The following DOCK1 variants were observed in gnomAD, a reference collection of about 807,000 sequenced individuals.
The protein encoded by DOCK1 is dedicator of cytokinesis 1.
A neutral mutation model predicts 262.7 loss-of-function variants in DOCK1; 138 were observed. That is an observed-to-expected ratio of 0.53 (90% CI 0.46 to 0.61). DOCK1 has a LOEUF of 0.61. DOCK1 is among the 20% of genes least tolerant of loss of function. DOCK1 has a pLI of 0.00. For synonymous variants in DOCK1, 866 were observed against 867.4 expected (o/e 1.00, Z 0.03); for missense variants, 1,908 against 2,370.7 (o/e 0.80, Z 4.05).
At chr10:127,156,160 TC>T (rs1347762578) in intron 27 of DOCK1, among the ~76,000 whole-genome samples, 1 of 152,184 alleles carries the variant, frequency 6.6e-6, no homozygotes, top group Non-Finnish European at 1.5e-5. Flanking sequence ...CTATCAAGCC[TC>T]ATCAACATCA....
At chr10:127,211,436 C>T (rs575749001) in intron 27 of DOCK1, among the ~76,000 whole-genome samples, 4 of 152,252 alleles carry the variant, frequency 2.6e-5, no homozygotes, top group African/African-American at 4.8e-5. Context: ...TTTGTGTCTC[C>T]GATTTGGTGT....
At chr10:127,274,033 G>A (rs1162127058) in intron 29 of DOCK1, among the ~76,000 whole-genome samples, 1 of 152,150 alleles carries the variant, frequency 6.6e-6, no homozygotes, top group Non-Finnish European at 1.5e-5. Flanking sequence ...TACGCTTGGG[G>A]GTAAACATGA....
chr10:127,415,588 A>G (rs2068105707), intron 44 of DOCK1, among the ~76,000 whole-genome samples: 1 of 152,186 alleles, frequency 6.6e-6, no homozygotes, highest in Non-Finnish European at 1.5e-5. Flanking sequence ...GTCTACATAA[A>G]CTTTTTTAAA....
At chr10:126,943,110 C>T (rs2035144766) in intron 1 of DOCK1, among the ~76,000 whole-genome samples, 1 of 150,002 alleles carries the variant, frequency 6.7e-6, no homozygotes, top group Non-Finnish European at 1.5e-5. Context: ...AAAAAAAAGC[C>T]AGATATGTTG....
chr10:126,940,383 C>T (rs2034893096), intron 1 of DOCK1, among the ~76,000 whole-genome samples: 1 of 152,140 alleles, frequency 6.6e-6, no homozygotes, highest in Non-Finnish European at 1.5e-5. Flanking sequence ...GTCTGCAGCA[C>T]TTCGTACTCA....
chr10:126,935,200 A>G (rs1217841083), intron 1 of DOCK1, among the ~76,000 whole-genome samples: 1 of 152,060 alleles, frequency 6.6e-6, no homozygotes, highest in Non-Finnish European at 1.5e-5. Context: ...GCTGATTTTT[A>G]TCTAGAGATT....
At chr10:127,229,140 C>T (rs1412192584) in intron 27 of DOCK1, among the ~76,000 whole-genome samples, 1 of 152,134 alleles carries the variant, frequency 6.6e-6, no homozygotes, top group African/African-American at 2.4e-5. Context: ...AGGAGAATCG[C>T]TTGAACCCAC....
intron 29 of DOCK1, among the ~76,000 whole-genome samples, chr10:127,325,806 G>A (rs1360081585): frequency 6.6e-6 from 1 of 152,156 alleles, no homozygotes; most frequent in Admixed American, 6.5e-5. Flanking sequence ...ACTGTTCTTA[G>A]GCTTAGGGTA....
chr10:127,451,689 G>C lies in DOCK1; in HGVS notation c.*262G>C. The C allele has an allele frequency of 1.6e-6, 1 of 627,754 alleles. No individual in the cohort carries two copies. The highest frequency in any genetic ancestry group is 2.5e-6 in the Non-Finnish European group (1 of 402,806). The allele number at this position is 627,754 out of a possible 1,614,324, so 38.9% of individuals were successfully genotyped here. On this transcript the variant is annotated 3_prime_UTR_variant, in exon 52 of 52. Coordinates refer to ENST00000623213, the MANE Select transcript of DOCK1 (RefSeq NM_001290223.2). ...GAGTTGGGGGCCTCTGAGTGTGTCTGGCTCTGAGAGAGTCTGAGTCTTGCC... is the reference window on the plus strand; with the variant it reads ...GAGTTGGGGGCCTCTGAGTGTGTCTCGCTCTGAGAGAGTCTGAGTCTTGCC...
chr10:126,927,482 A>G (rs1254642439), intron 1 of DOCK1, among the ~76,000 whole-genome samples: 1 of 151,972 alleles, frequency 6.6e-6, no homozygotes, highest in Non-Finnish European at 1.5e-5. Context: ...TCTGTCGCTC[A>G]GGCTGGAGTG....
chr10:127,141,193 C>T (rs2051207258), intron 27 of DOCK1, among the ~76,000 whole-genome samples: 1 of 152,166 alleles, frequency 6.6e-6, no homozygotes, highest in African/African-American at 2.4e-5. Flanking sequence ...CCCAATCCAT[C>T]CTGTCTTATT....
intron 47 of DOCK1, among the ~76,000 whole-genome samples, chr10:127,427,837 C>T (rs1314191812): frequency 6.6e-6 from 1 of 152,268 alleles, no homozygotes; most frequent in African/African-American, 2.4e-5. Context: ...AAGCCTAGGA[C>T]CTGGTGTCCC....
At chr10:127,328,607 G>A (rs1305169329) in intron 29 of DOCK1, among the ~76,000 whole-genome samples, 15 of 152,016 alleles carry the variant, frequency 9.9e-5, no homozygotes, top group African/African-American at 3.1e-4. Flanking sequence ...CGCCAGGGAC[G>A]GCAGGGATGC....
chr10:126,925,851 A>G (rs1177635149), intron 1 of DOCK1, among the ~76,000 whole-genome samples: 2 of 151,134 alleles, frequency 1.3e-5, no homozygotes, highest in Non-Finnish European at 2.9e-5. Flanking sequence ...ATGTCACAGT[A>G]GGGTGTGATG....
Position 127,413,377 on chromosome 10 carries a change from G to C in DOCK1, c.4429-1775G>C, listed in dbSNP as rs956147410. Among the ~76,000 whole-genome samples, 10 of 152,344 alleles carry C rather than the reference G, an allele frequency of 6.6e-5. No homozygotes were observed. In the East Asian group the frequency reaches 1.9e-3, roughly 29 times the overall value. On this transcript the variant is annotated intron_variant, in intron 43 of 51. Coordinates refer to ENST00000623213, the MANE Select transcript of DOCK1 (RefSeq NM_001290223.2). ...CACTTGGACAAAGTGTTCGGAAGCT[G>C]CAGGATTTGGTCCTTCACATGCCCC... is the stretch of plus-strand genomic sequence containing the variant.
At chr10:127,406,436 C>G (rs2067519513) in intron 40 of DOCK1, among the ~76,000 whole-genome samples, 1 of 152,186 alleles carries the variant, frequency 6.6e-6, no homozygotes, top group Non-Finnish European at 1.5e-5. Context: ...TAATATTGAA[C>G]TGACTTTCCC....
chr10:126,954,499 G>A (rs930694162), intron 1 of DOCK1, among the ~76,000 whole-genome samples: 1 of 152,314 alleles, frequency 6.6e-6, no homozygotes, highest in South Asian at 2.1e-4. Context: ...ACACACTGAC[G>A]TTGTTGGGCA....
At position 126,947,620 on chromosome 10, in the gene DOCK1, G is replaced by A. The variant is rs1215451745; in HGVS notation, c.47-23082G>A. Reference sequence around the variant, plus strand: ...TAGTATTACTGTTGGTGATGGTGGTGGTTGGTAGTATTACTGTTGGTGGTG... The same window carrying A: ...TAGTATTACTGTTGGTGATGGTGGTAGTTGGTAGTATTACTGTTGGTGGTG... On this transcript the variant is annotated intron_variant, in intron 1 of 51. Coordinates refer to ENST00000623213, the MANE Select transcript of DOCK1 (RefSeq NM_001290223.2). 2.7e-3 allele frequency among the ~76,000 whole-genome samples: 256 copies of A among 94,868 alleles called. 3 individuals are homozygous for A. The highest frequency in any genetic ancestry group is 8.6e-3 in the African/African-American group (174 of 20,142). 62.2% of individuals were successfully genotyped at this position (94,868 alleles called of 152,430 possible). A position where few individuals can be genotyped will look rare whatever the true frequency, so the allele number is the denominator to read the frequency against.
chr10:127,382,985 A>G (rs1330173919), intron 37 of DOCK1, among the ~76,000 whole-genome samples: 1 of 152,124 alleles, frequency 6.6e-6, no homozygotes, highest in Admixed American at 6.5e-5. Flanking sequence ...ATCTCTCTCC[A>G]TATCTTTTGC....
Sources: gnomAD v4.1 joint callset for allele counts (sites outside exome capture counted in the v4.1 genomes callset) on GRCh38, gnomAD v4.1.1 for gene constraint, MANE v1.5 for transcripts, NCBI Gene and HGNC (gene_info 2026-07-23, HGNC 2026-07-21) for gene names.